SCAPER: variants seen among roughly 807,000 people sequenced by gnomAD.
The protein encoded by SCAPER is S phase cyclin A-associated protein in the endoplasmic reticulum.
Under a neutral mutation model 182.2 loss-of-function variants are expected in SCAPER, and 98 were observed. The ratio of observed to expected loss-of-function variants is 0.54; its 90% CI spans 0.46 to 0.64. The LOEUF (loss-of-function observed/expected upper bound fraction) is 0.64, where lower values mean the gene tolerates loss of function less well. Ranked by LOEUF, SCAPER falls within the 30% of genes least tolerant of loss-of-function variation. The pLI, the probability that SCAPER is intolerant of heterozygous loss-of-function variation, is 0.00. For missense variants in SCAPER, 1,432 were observed against 1,690.0 expected, an observed-to-expected ratio of 0.85 and a Z score of 2.68; for synonymous variants, 605 against 564.6, an observed-to-expected ratio of 1.07 and a Z score of -1.01.
intron 15 of SCAPER, among the ~76,000 whole-genome samples, chr15:76,734,578 G>A (rs1007837704): frequency 2.6e-5 from 4 of 152,128 alleles, no homozygotes; most frequent in African/African-American, 4.8e-5. Flanking sequence ...TGTACTGAAC[G>A]TACTCAAAAT....
intron 20 of SCAPER, among the ~76,000 whole-genome samples, chr15:76,667,129 T>A (rs1029218440): frequency 1.3e-5 from 2 of 152,202 alleles, no homozygotes; most frequent in Non-Finnish European, 2.9e-5. Flanking sequence ...CTCATTTTAG[T>A]CCAGCTTTTG....
chr15:76,575,312 A>T (rs934932929), intron 22 of SCAPER, among the ~76,000 whole-genome samples: 25 of 152,226 alleles, frequency 1.6e-4, no homozygotes, highest in African/African-American at 6.0e-4. Context: ...AAATCTCCCT[A>T]GGGTGTTCAT....
Position 76,768,402 on chromosome 15 carries a change from A to C in SCAPER, c.1249-1314T>G, listed in dbSNP as rs139652550. Among the ~76,000 whole-genome samples the C allele has an allele frequency of 1.5e-3, 221 of 152,360 alleles. 2 individuals carry two copies. Among genetic ancestry groups the C allele is most frequent in the African/African-American group, 4.8e-3 (200 of 41,596 alleles). ...ACAAAGTACTGAGACAAACTAAGACATGAATGAACCTCTAAAATATGCTAA... is the reference window on the plus strand; with the variant it reads ...ACAAAGTACTGAGACAAACTAAGACCTGAATGAACCTCTAAAATATGCTAA... On this transcript the variant is annotated intron_variant, in intron 10 of 31. Transcript: ENST00000563290.
intron 22 of SCAPER, among the ~76,000 whole-genome samples, chr15:76,609,392 G>A (rs1266212410): frequency 2.0e-5 from 3 of 151,866 alleles, no homozygotes; most frequent in Non-Finnish European, 4.4e-5. Flanking sequence ...AGGAGGCTGA[G>A]TTGGGAGTTG....
intron 8 of SCAPER, among the ~76,000 whole-genome samples, chr15:76,792,521 A>G (rs1338395074): frequency 6.6e-6 from 1 of 152,162 alleles, no homozygotes; most frequent in Non-Finnish European, 1.5e-5. Context: ...TGGCCCTGTG[A>G]CTTCATATGA....
At chr15:76,390,950 A>G (rs947791864) in intron 27 of SCAPER, among the ~76,000 whole-genome samples, 4 of 152,192 alleles carry the variant, frequency 2.6e-5, no homozygotes, top group Non-Finnish European at 4.4e-5. Context: ...TTTTTCACAG[A>G]GTAAACAGAT....
chr15:76,856,244 CA>C lies in SCAPER; in HGVS notation c.195+1564del, dbSNP rs146723654. 9.1e-3 allele frequency among the ~76,000 whole-genome samples: 1,381 copies of C among 152,002 alleles called. 22 individuals carry two copies. Among genetic ancestry groups the C allele is most frequent in the African/African-American group, 0.032 (1,341 of 41,466 alleles). ...GAACTCATGAACACAAAGAAGGGAA[CA>C]ACAAACAGAGGGGCCTCCTTGAGGG... On this transcript the variant is annotated intron_variant, in intron 4 of 31. Transcript: ENST00000563290.
intron 23 of SCAPER, among the ~76,000 whole-genome samples, chr15:76,526,402 ATTT>A (rs1024663092): frequency 6.6e-6 from 1 of 152,026 alleles, no homozygotes; most frequent in Non-Finnish European, 1.5e-5. Flanking sequence ...AGTTTAAAGT[ATTT>A]TCTTCTTCTC....
chr15:76,854,076 C>G (rs1267971403), intron 4 of SCAPER, among the ~76,000 whole-genome samples: 1 of 152,084 alleles, frequency 6.6e-6, no homozygotes, highest in Non-Finnish European at 1.5e-5. Context: ...CGAGACCACC[C>G]TGGCCAACAA....
intron 20 of SCAPER, among the ~76,000 whole-genome samples, chr15:76,678,642 G>A (rs1157999490): frequency 6.6e-6 from 1 of 152,024 alleles, no homozygotes; most frequent in East Asian, 1.9e-4. Flanking sequence ...AGGAGGGCAG[G>A]AAAGAGATCA....
In SCAPER at chr15:76,860,894, T is replaced by C. The variant is rs564892879; in HGVS notation, c.124+1522A>G. Among the ~76,000 whole-genome samples, 6 of 152,226 alleles carry C rather than the reference T, an allele frequency of 3.9e-5. 1 individual carries two copies. The highest frequency in any genetic ancestry group is 1.2e-4 in the African/African-American group (5 of 41,554). On this transcript the variant is annotated intron_variant, in intron 3 of 31. Transcript: ENST00000563290. ...AAAGAATGGAAACATGATTAGAACA[T>C]GTAAGGAACAGGAGCCAAGTTAAAG...
rs557179828 is a variant in SCAPER at position 76,348,591 on chromosome 15, A to G, written c.*42T>C. On this transcript the variant is annotated 3_prime_UTR_variant, in exon 32 of 32. Transcript: ENST00000563290. Reference sequence around the variant, plus strand: ...TAGAATGTTTGTTTGGACAATTTAAAATATTAACAAGGGTACTCAAATACA... The same window carrying G: ...TAGAATGTTTGTTTGGACAATTTAAGATATTAACAAGGGTACTCAAATACA... 12 of 1,310,638 alleles carry G rather than the reference A, an allele frequency of 9.2e-6. No homozygotes were observed. The African/African-American group carries it at 1.6e-4, about 18-fold the overall frequency. The allele number at this position is 1,310,638 out of a possible 1,614,324, so 81.2% of individuals were successfully genotyped here.
intron 4 of SCAPER, among the ~76,000 whole-genome samples, chr15:76,853,486 C>T (rs1312536496): frequency 6.6e-6 from 1 of 151,576 alleles, no homozygotes; most frequent in African/African-American, 2.4e-5. Flanking sequence ...GCTTCATCCC[C>T]GGGATGCAAG....
In SCAPER at chr15:76,526,285, T is replaced by C. The variant is rs140130356; in HGVS notation, c.2839-21311A>G. ...TGCATAAAATTCTACATGATAATTA[T>C]GCATTTTGAACATATTGCTGTATTG... On this transcript the variant is annotated intron_variant, in intron 23 of 31. Coordinates refer to ENST00000563290, the MANE Select transcript of SCAPER (RefSeq NM_020843.4). Among the ~76,000 whole-genome samples the C allele has an allele frequency of 6.8e-3, 1,035 of 152,330 alleles. 45 individuals are homozygous for C. Among genetic ancestry groups the C allele is most frequent in the Admixed American group, 0.062 (946 of 15,294 alleles).
At chr15:76,637,074 G>A (rs912988670) in intron 21 of SCAPER, among the ~76,000 whole-genome samples, 3 of 151,664 alleles carry the variant, frequency 2.0e-5, no homozygotes, top group African/African-American at 7.3e-5. Flanking sequence ...ATATACATAA[G>A]GCTATGCAGC....
At chr15:76,814,291 T>C (rs1312443071) in intron 5 of SCAPER, among the ~76,000 whole-genome samples, 3 of 152,088 alleles carry the variant, frequency 2.0e-5, no homozygotes, top group Admixed American at 6.6e-5. Flanking sequence ...CAAAAAACTT[T>C]AAATAGCCAA....
intron 23 of SCAPER, among the ~76,000 whole-genome samples, chr15:76,552,710 G>A (rs1161902370): frequency 6.6e-6 from 1 of 152,264 alleles, no homozygotes; most frequent in Non-Finnish European, 1.5e-5. Context: ...AGGAACTGAT[G>A]CAGTGCAGCA....
intron 3 of SCAPER, among the ~76,000 whole-genome samples, chr15:76,860,163 A>T (rs2071762461): frequency 6.6e-6 from 1 of 152,186 alleles, no homozygotes; most frequent in Admixed American, 6.5e-5. Context: ...AATAGAAACA[A>T]CTTTAATAGA....
In SCAPER at chr15:76,597,245, C is replaced by A. The variant is rs150583865; in HGVS notation, c.2712-22961G>T. Among the ~76,000 whole-genome samples the A allele has an allele frequency of 8.6e-3, 1,049 of 121,648 alleles. 137 individuals are homozygous for A. Among genetic ancestry groups the A allele is most frequent in the African/African-American group, 0.024 (974 of 39,822 alleles). The allele number at this position is 121,648 out of a possible 152,430, so 79.8% of individuals were successfully genotyped here. ...ATAAAATACCTAGCAAAACAACTTA[C>A]ACGGGATGTGAAGGACCTCTTCAAG... On this transcript the variant is annotated intron_variant, in intron 22 of 31. Coordinates refer to ENST00000563290, the MANE Select transcript of SCAPER (RefSeq NM_020843.4).
Sources: allele counts gnomAD v4.1 joint callset (sites outside exome capture counted in the v4.1 genomes callset), GRCh38; gene constraint gnomAD v4.1.1; transcripts MANE v1.5; gene names NCBI Gene and HGNC (gene_info 2026-07-23, HGNC 2026-07-21).